Variants in SLC44A2 observed in about 807,000 individuals in gnomAD.
The protein encoded by SLC44A2 is solute carrier family 44 member 2 (CTL2 blood group).
In SLC44A2, 57 loss-of-function variants were observed where a neutral mutation model predicts 90.8. That is an observed-to-expected ratio of 0.63 (90% confidence interval 0.51 to 0.78). The LOEUF is 0.78. SLC44A2 is among the 30% of genes least tolerant of loss of function. The pLI is 0.00. For synonymous variants in SLC44A2, 355 were observed against 360.7 expected, an observed-to-expected ratio of 0.98 and a Z score of 0.18; for missense variants, 794 against 919.7, an observed-to-expected ratio of 0.86 and a Z score of 1.77.
At position 10,633,973 on chromosome 19, in the gene SLC44A2, A is replaced by ATT. The variant is rs1406434263; in HGVS notation, c.824-769_824-768dup. 3.4e-4 allele frequency among the ~76,000 whole-genome samples: 37 copies of ATT among 107,922 alleles called. 1 individual carries two copies. Among genetic ancestry groups the ATT allele is most frequent in the Admixed American group, 2.3e-3 (21 of 9,094 alleles). The allele number at this position is 107,922 out of a possible 152,430, so 70.8% of individuals were successfully genotyped here. ...ACCAACATGTAGAAACCCCATCTCT[A>ATT]TTTTTTTTTTTTTTTGAGACAGAGT... On this transcript the variant is annotated intron_variant, in intron 10 of 21. Coordinates refer to ENST00000335757, the MANE Select transcript of SLC44A2 (RefSeq NM_020428.4).
intron 1 of SLC44A2, among the ~76,000 whole-genome samples, chr19:10,609,627 A>G (rs1184843049): frequency 1.3e-5 from 2 of 152,032 alleles, no homozygotes; most frequent in East Asian, 1.9e-4. Context: ...TAAAAAAACC[A>G]CACATTATTA....
At chr19:10,634,087 C>T (rs1429797736) in intron 10 of SLC44A2, among the ~76,000 whole-genome samples, 1 of 148,452 alleles carries the variant, frequency 6.7e-6, no homozygotes, top group African/African-American at 2.5e-5. Context: ...TCTCCTACCT[C>T]AGTCTCCTGA....
Position 10,643,724 on chromosome 19 carries a change from A to G in SLC44A2, c.*339A>G, listed in dbSNP as rs1053007. On this transcript the variant is annotated 3_prime_UTR_variant, in exon 22 of 22. Coordinates refer to ENST00000335757, the MANE Select transcript of SLC44A2 (RefSeq NM_020428.4). ...CTTACACGACAACGGGCCAGACCAC[A>G]GGAAGGACGGTGTTTGTGTCTGAGG... The G allele has an allele frequency of 0.66, 143,403 of 216,752 alleles. 47,895 individuals carry two copies. The highest frequency in any genetic ancestry group is 0.73 in the Admixed American group (13,128 of 18,002). The allele number at this position is 216,752 out of a possible 1,614,324, so 13.4% of individuals were successfully genotyped here. A position where few individuals can be genotyped will look rare whatever the true frequency, so the allele number is the denominator to read the frequency against.
At chr19:10,623,502 T>C (rs1382548315), upstream of SLC44A2, among the ~76,000 whole-genome samples, 1 of 152,084 alleles carries the variant, frequency 6.6e-6, no homozygotes, top group African/African-American at 2.4e-5. Context: ...TATAATGCCA[T>C]GTTAACCAAA....
intron 21 of SLC44A2, 73 bp from the exon 22 acceptor site, chr19:10,643,206 C>T (rs1394279911): frequency 3.3e-6 from 5 of 1,533,400 alleles, no homozygotes; most frequent in Non-Finnish European, 4.4e-6. Context: ...GACCCTCATC[C>T]ACCTACCCTG....
chr19:10,642,684 C>T (rs1022813672), intron 21 of SLC44A2, among the ~76,000 whole-genome samples: 7 of 152,158 alleles, frequency 4.6e-5, no homozygotes, highest in Non-Finnish European at 7.4e-5. Context: ...CCCTGGAGCC[C>T]GCCCGCGCTT....
intron 1 of SLC44A2, among the ~76,000 whole-genome samples, chr19:10,610,946 T>C (rs973647098): frequency 6.6e-6 from 1 of 151,544 alleles, no homozygotes; most frequent in African/African-American, 2.4e-5. Context: ...CGCCAAGACT[T>C]TTCTTTTGCC....
Position 10,638,221 on chromosome 19 carries a change from C to T in SLC44A2, c.1841-6C>T. The T allele has an allele frequency of 1.9e-6, 3 of 1,614,148 alleles. No individual in the cohort carries two copies. Among genetic ancestry groups the T allele is most frequent in the South Asian group, 1.1e-5 (1 of 91,086 alleles). On this transcript the variant is annotated splice_region_variant and splice_polypyrimidine_tract_variant and intron_variant, in intron 19 of 21. Coordinates refer to ENST00000335757, the MANE Select transcript of SLC44A2 (RefSeq NM_020428.4). ...TTCGCCATCTTGCTTTCTTCTCCTT[C>T]TCCAGGGATCCTGGCTTTCTTCTTC... is the stretch of plus-strand genomic sequence containing the variant.
At chr19:10,631,809 C>G in intron 8 of SLC44A2, 59 bp from the exon 9 acceptor site, 1 of 1,614,102 alleles carries the variant, frequency 6.2e-7, no homozygotes, top group Non-Finnish European at 8.5e-7. Flanking sequence ...AGGCAATCCC[C>G]TGTGGTTGGC....
rs982932872 is a variant in SLC44A2, at chr19:10,631,398, C to T, written c.441+13C>T. ...CAAGAACAATAAAGTGAGTTGTAGA[C>T]TGTCCTGAGAGCACAGGTATGGGCA... On this transcript the variant is annotated intron_variant, in intron 6 of 21. Coordinates refer to ENST00000335757, the MANE Select transcript of SLC44A2 (RefSeq NM_020428.4). 6.2e-7 allele frequency: 1 copy of T among 1,614,056 alleles called. No individual in the cohort carries two copies. Among genetic ancestry groups the T allele is most frequent in the African/African-American group, 1.3e-5 (1 of 75,054 alleles).
intron 1 of SLC44A2, among the ~76,000 whole-genome samples, chr19:10,618,125 C>T (rs2066869964): frequency 6.6e-6 from 1 of 151,652 alleles, no homozygotes; most frequent in South Asian, 2.1e-4. Context: ...CTGCCTCAAA[C>T]TCCCGAGTAG....
intron 20 of SLC44A2, among the ~76,000 whole-genome samples, chr19:10,640,106 TCTG>T (rs1568456054): frequency 8.9e-6 from 1 of 112,040 alleles, no homozygotes; most frequent in African/African-American, 3.6e-5. Flanking sequence ...TTTTTTTTTT[TCTG>T]CGATAGAGCC....
At chr19:10,614,786 C>G (rs1214893040) in intron 1 of SLC44A2, among the ~76,000 whole-genome samples, 1 of 151,596 alleles carries the variant, frequency 6.6e-6, no homozygotes, top group African/African-American at 2.4e-5. Flanking sequence ...ACCTGGCCAA[C>G]ATGGTGAAAC....
intron 1 of SLC44A2, among the ~76,000 whole-genome samples, chr19:10,616,514 A>G (rs956935436): frequency 2.6e-5 from 4 of 152,086 alleles, no homozygotes; most frequent in African/African-American, 9.6e-5. Flanking sequence ...TGGCCTCCCA[A>G]AGTGCTAGGA....
intron 14 of SLC44A2, 103 bp from the exon 15 acceptor site, chr19:10,636,220 C>T: frequency 1.5e-6 from 2 of 1,351,514 alleles, no homozygotes; most frequent in South Asian, 2.7e-5. Flanking sequence ...CCTATGTCTC[C>T]TGTCCTACCT....
intron 19 of SLC44A2, 28 bp from the exon 20 acceptor site, chr19:10,638,199 G>A (rs775270117): frequency 2.5e-6 from 4 of 1,613,454 alleles, no homozygotes; most frequent in Admixed American, 1.7e-5. Flanking sequence ...AGAACCCTTC[G>A]CCATCTTGCT....
At chr19:10,627,655 A>C (rs2066947996) in intron 2 of SLC44A2, 67 bp from the exon 3 acceptor site, 1 of 1,544,044 alleles carries the variant, frequency 6.5e-7, no homozygotes, top group Non-Finnish European at 8.9e-7. Flanking sequence ...GTGTTTGCAG[A>C]GGGCAGATGG....
At chr19:10,616,581 G>A (rs573155056) in intron 1 of SLC44A2, among the ~76,000 whole-genome samples, 3 of 151,850 alleles carry the variant, frequency 2.0e-5, no homozygotes, top group Admixed American at 6.6e-5. Context: ...TTTAGAGACC[G>A]GGACCTGGCA....
intron 20 of SLC44A2, among the ~76,000 whole-genome samples, chr19:10,638,927 G>A (rs2144886325): frequency 6.6e-6 from 1 of 152,174 alleles, no homozygotes; most frequent in South Asian, 2.1e-4. Context: ...AGCCTCCCGA[G>A]TAGCTGAGAT....
Sources: allele counts gnomAD v4.1 joint callset (sites outside exome capture counted in the v4.1 genomes callset), GRCh38; gene constraint gnomAD v4.1.1; transcripts MANE v1.5; gene names NCBI Gene and HGNC (gene_info 2026-07-23, HGNC 2026-07-21).